Variants in ATP8A2 observed in about 807,000 individuals in gnomAD.
ATP8A2 encodes the protein phospholipid-transporting ATPase IB.
Under a neutral mutation model 165.6 loss-of-function variants are expected in ATP8A2, and 100 were observed. The observed-to-expected ratio is 0.60, with a 90% confidence interval of 0.51 to 0.71. The LOEUF is 0.71. ATP8A2 is among the 30% of genes least tolerant of loss of function. The probability of loss-of-function intolerance (pLI) is 0.00; values close to 1 mark genes in which losing one functional copy is unlikely to be tolerated. For missense variants in ATP8A2, 1,227 were observed against 1,479.5 expected (o/e 0.83, Z 2.80); for synonymous variants, 543 against 548.8 (o/e 0.99, Z 0.15).
intron 33 of ATP8A2, among the ~76,000 whole-genome samples, chr13:25,891,954 A>G (rs566790522): frequency 1.3e-5 from 2 of 151,896 alleles, no homozygotes; most frequent in East Asian, 3.9e-4. Context: ...ATAATCTTTT[A>G]AAAAGATGGA....
intron 25 of ATP8A2, among the ~76,000 whole-genome samples, chr13:25,749,574 C>T (rs936350957): frequency 1.3e-5 from 2 of 151,900 alleles, no homozygotes; most frequent in African/African-American, 4.8e-5. Flanking sequence ...AGGCTGTGCT[C>T]GGTGGGGGCA....
At chr13:25,566,078 A>G (rs1364874812) in intron 16 of ATP8A2, among the ~76,000 whole-genome samples, 3 of 152,128 alleles carry the variant, frequency 2.0e-5, no homozygotes, top group Non-Finnish European at 2.9e-5. Flanking sequence ...CTAAGTTTTC[A>G]TGAGGAAATC....
chr13:25,958,121 A>C (rs955312605), intron 33 of ATP8A2, among the ~76,000 whole-genome samples: 5 of 151,824 alleles, frequency 3.3e-5, no homozygotes, highest in Admixed American at 6.6e-5. Context: ...ATCACACACC[A>C]GGACCTGTTG....
chr13:25,575,956 T>C (rs2039606713), intron 19 of ATP8A2, among the ~76,000 whole-genome samples: 1 of 152,148 alleles, frequency 6.6e-6, no homozygotes. Flanking sequence ...TTAAAATGTA[T>C]ATATGGGAGA....
At chr13:25,841,464 G>A (rs1381247329) in intron 30 of ATP8A2, among the ~76,000 whole-genome samples, 2 of 152,196 alleles carry the variant, frequency 1.3e-5, no homozygotes, top group Non-Finnish European at 2.9e-5. Flanking sequence ...GAGTGAAACT[G>A]TGTAAAGTGA....
At chr13:25,546,198 G>A (rs528330389) in intron 10 of ATP8A2, among the ~76,000 whole-genome samples, 2 of 152,140 alleles carry the variant, frequency 1.3e-5, no homozygotes, top group African/African-American at 4.8e-5. Context: ...CTTCTCTTCA[G>A]TGAGTAAGGC....
chr13:25,472,726 G>A (rs2035881369), intron 2 of ATP8A2, among the ~76,000 whole-genome samples: 1 of 152,114 alleles, frequency 6.6e-6, no homozygotes, highest in Admixed American at 6.6e-5. Context: ...TGAAAAGAAG[G>A]GACCACATGG....
intron 33 of ATP8A2, among the ~76,000 whole-genome samples, chr13:25,936,737 C>A (rs1465144439): frequency 1.3e-5 from 2 of 152,120 alleles, no homozygotes; most frequent in South Asian, 2.1e-4. Flanking sequence ...AGGTTGGGCC[C>A]AATTTTCCCC....
rs1432112102 is a variant in ATP8A2, at chr13:25,681,641, T to C, written c.2212-17532T>C. On this transcript the variant is annotated intron_variant, in intron 24 of 36. Coordinates refer to ENST00000381655, the MANE Select transcript of ATP8A2 (RefSeq NM_016529.6). ...ATGGCTCCTGGTGGAAAAAGAAAAA[T>C]AGAGGTAGTCTGAACTTGTGGACAG... Among the ~76,000 whole-genome samples the C allele has an allele frequency of 2.0e-5, 3 of 152,250 alleles. No homozygotes were observed. The East Asian group carries it at 5.8e-4, about 29-fold the overall frequency.
At chr13:25,948,299 A>G (rs1955263972) in intron 33 of ATP8A2, among the ~76,000 whole-genome samples, 1 of 152,132 alleles carries the variant, frequency 6.6e-6, no homozygotes, top group African/African-American at 2.4e-5. Context: ...GGATGTCTGA[A>G]TAATTGTGGT....
rs1208567031 is a variant in ATP8A2, at chr13:25,595,609, C to T, written c.2211+5910C>T. ...TTGGCAACATCAGAGTTGCTCCCCT[C>T]GATTGGGCCCCTGGATGACTTTGGG... On this transcript the variant is annotated intron_variant, in intron 24 of 36. Coordinates refer to ENST00000381655, the MANE Select transcript of ATP8A2 (RefSeq NM_016529.6). Among the ~76,000 whole-genome samples the T allele has an allele frequency of 5.3e-5, 8 of 152,106 alleles. No individual in the cohort carries two copies. The East Asian group carries it at 1.2e-3, about 22-fold the overall frequency.
At chr13:25,403,366 T>A (rs1354680917) in intron 1 of ATP8A2, among the ~76,000 whole-genome samples, 1 of 152,158 alleles carries the variant, frequency 6.6e-6, no homozygotes, top group Non-Finnish European at 1.5e-5. Context: ...AAGACAAAGG[T>A]CCCAGATGGG....
intron 25 of ATP8A2, among the ~76,000 whole-genome samples, chr13:25,765,776 A>G (rs886781973): frequency 6.6e-6 from 1 of 152,166 alleles, no homozygotes; most frequent in Admixed American, 6.5e-5. Flanking sequence ...AAGCCCAGTG[A>G]GTCTATTTGA....
chr13:25,757,960 T>G (rs182784395), intron 25 of ATP8A2, among the ~76,000 whole-genome samples: 206 of 152,236 alleles, frequency 1.4e-3, no homozygotes, highest in African/African-American at 4.7e-3. Context: ...AGTGAGGCAG[T>G]TGTTGGAGGT....
chr13:25,417,647 A>C (rs1334718823), intron 1 of ATP8A2, among the ~76,000 whole-genome samples: 1 of 152,180 alleles, frequency 6.6e-6, no homozygotes, highest in African/African-American at 2.4e-5. Context: ...TAGGACTGGA[A>C]GTTTATTTAC....
intron 29 of ATP8A2, among the ~76,000 whole-genome samples, chr13:25,838,552 C>T (rs1002519226): frequency 6.6e-6 from 1 of 151,392 alleles, no homozygotes; most frequent in African/African-American, 2.4e-5. Flanking sequence ...TATCTGCAGG[C>T]ACTTTGAAGA....
At chr13:26,005,177 A>G (rs1319435423) in intron 35 of ATP8A2, among the ~76,000 whole-genome samples, 1 of 151,836 alleles carries the variant, frequency 6.6e-6, no homozygotes, top group Non-Finnish European at 1.5e-5. Context: ...GTCAGTTGTG[A>G]TAGGTTGTAA....
At chr13:25,795,965 TA>T (rs1437386491) in intron 27 of ATP8A2, among the ~76,000 whole-genome samples, 1 of 151,516 alleles carries the variant, frequency 6.6e-6, no homozygotes. Context: ...TTTTTTTTTT[TA>T]AAAGACAGGG....
rs115900459 is a variant in ATP8A2 at position 25,952,650 on chromosome 13, G to A, written c.3184-8925G>A. ...GCATCCCAAAGCGCTGGAATGACACGCGTGAGCCACCACGCCTAGCCAGTT... is the reference window on the plus strand; with the variant it reads ...GCATCCCAAAGCGCTGGAATGACACACGTGAGCCACCACGCCTAGCCAGTT... On this transcript the variant is annotated intron_variant, in intron 33 of 36. Coordinates refer to ENST00000381655, the MANE Select transcript of ATP8A2 (RefSeq NM_016529.6). Among the ~76,000 whole-genome samples the A allele has an allele frequency of 2.7e-3, 407 of 152,200 alleles. 3 individuals carry two copies. Among genetic ancestry groups the A allele is most frequent in the African/African-American group, 9.3e-3 (385 of 41,526 alleles).
Sources: allele counts gnomAD v4.1 joint callset (sites outside exome capture counted in the v4.1 genomes callset), GRCh38; gene constraint gnomAD v4.1.1; transcripts MANE v1.5; gene names NCBI Gene and HGNC (gene_info 2026-07-23, HGNC 2026-07-21).